ZNF532: variants seen among roughly 807,000 people sequenced by gnomAD.
ZNF532 encodes zinc finger protein 532.
ZNF532 carries 22 observed loss-of-function variants against 89.3 expected under a neutral mutation model. The observed-to-expected ratio is 0.25, with a 90% confidence interval of 0.18 to 0.35. ZNF532 has a LOEUF of 0.35. Among genes scored for constraint, ZNF532 ranks in the 10% least tolerant of loss-of-function variants. ZNF532 has a pLI of 1.00. For synonymous variants in ZNF532, 606 were observed against 649.6 expected, an observed-to-expected ratio of 0.93 and a Z score of 1.02; for missense variants, 1,132 against 1,643.4, an observed-to-expected ratio of 0.69 and a Z score of 5.38.
intron 2 of ZNF532, among the ~76,000 whole-genome samples, chr18:58,875,786 G>A (rs970952468): frequency 2.0e-5 from 3 of 152,096 alleles, no homozygotes; most frequent in Non-Finnish European, 2.9e-5. Flanking sequence ...GGCCAGCTTT[G>A]AAATTCTTTT....
chr18:58,981,615 A>G lies in ZNF532; in HGVS notation c.3409A>G (p.Lys1137Glu), dbSNP rs1258114020. Residue 1137 changes from lysine to glutamate, a missense_variant and splice_region_variant, in exon 9 of 10, where the codon AAG (lysine) becomes GAG (glutamate). By Grantham distance (56) the Lys-to-Glu change is moderately conservative. Coordinates refer to ENST00000591808, the MANE Select transcript of ZNF532 (RefSeq NM_001375912.1). ...GGAAACAGAAATAAAAGAAGACACT[A>G]AGGTCTAACATTGCAGATGTTTGCT... Reference protein sequence around the residue: ...EEETEIKEDTKVPSPKRKLEE... With the variant: ...EEETEIKEDTEVPSPKRKLEE... The G allele has an allele frequency of 1.2e-6, 2 of 1,614,078 alleles. No homozygotes were observed. Among genetic ancestry groups the G allele is most frequent in the Admixed American group, 3.3e-5 (2 of 60,024 alleles).
intron 2 of ZNF532, among the ~76,000 whole-genome samples, chr18:58,909,787 G>A (rs1289866344): frequency 4.6e-5 from 7 of 152,180 alleles, no homozygotes; most frequent in Admixed American, 4.6e-4. Context: ...TTGGACCCAG[G>A]AGGAAGGGCC....
intron 3 of ZNF532, among the ~76,000 whole-genome samples, chr18:58,933,186 T>C (rs2062101338): frequency 6.6e-6 from 1 of 152,100 alleles, no homozygotes; most frequent in Admixed American, 6.6e-5. Context: ...AGGGGTGCTA[T>C]TTTTTTAATG....
chr18:58,938,004 G>A (rs1042110078), intron 4 of ZNF532, among the ~76,000 whole-genome samples: 3 of 152,206 alleles, frequency 2.0e-5, no homozygotes, highest in Admixed American at 6.5e-5. Context: ...ATGCTAATGC[G>A]TTAGTTATGA....
chr18:58,941,085 A>C (rs563285780), intron 5 of ZNF532, among the ~76,000 whole-genome samples: 2 of 151,928 alleles, frequency 1.3e-5, no homozygotes, highest in African/African-American at 2.4e-5. Flanking sequence ...TTGAAGTTAA[A>C]TTTTATTTTA....
At chr18:58,891,283 A>G (rs2145370905) in intron 2 of ZNF532, among the ~76,000 whole-genome samples, 2 of 152,202 alleles carry the variant, frequency 1.3e-5, no homozygotes, top group South Asian at 4.2e-4. Flanking sequence ...TAATCCCAGC[A>G]CTTTCGGAGG....
At chr18:58,911,063 G>A (rs916872049) in intron 2 of ZNF532, among the ~76,000 whole-genome samples, 1 of 152,182 alleles carries the variant, frequency 6.6e-6, no homozygotes, top group African/African-American at 2.4e-5. Flanking sequence ...TTTCAATGGT[G>A]GTTTTGAGAG....
At chr18:58,880,814 A>G (rs1198713185) in intron 2 of ZNF532, among the ~76,000 whole-genome samples, 2 of 127,336 alleles carry the variant, frequency 1.6e-5, no homozygotes, top group Admixed American at 8.0e-5. Context: ...TCAGAGGTAT[A>G]TATCTGGCAA....
chr18:58,867,203 C>G (rs905699823), intron 2 of ZNF532, among the ~76,000 whole-genome samples: 1 of 151,958 alleles, frequency 6.6e-6, no homozygotes, highest in Non-Finnish European at 1.5e-5. Context: ...AACCCCTTGC[C>G]ACGGCTATAC....
intron 8 of ZNF532, chr18:58,980,384 G>A (rs577284490): frequency 6.6e-6 from 1 of 152,226 alleles, no homozygotes; most frequent in East Asian, 1.9e-4. Flanking sequence ...AAAATGCTGG[G>A]ATTGTTCTGC....
chr18:58,865,353 G>A lies in ZNF532; in HGVS notation c.-160G>A, dbSNP rs1456164482. The A allele has an allele frequency of 6.6e-6, 1 of 152,334 alleles. No homozygotes were observed. Among genetic ancestry groups the A allele is most frequent in the East Asian group, 1.9e-4 (1 of 5,190 alleles). 9.4% of individuals were successfully genotyped at this position (152,334 alleles called of 1,614,324 possible). Reference sequence around the variant, plus strand: ...CTTTTAGAAGCTACTAAAGGGTGTTGGGGATGCTTCTGACTATTATGAAGG... The same window carrying A: ...CTTTTAGAAGCTACTAAAGGGTGTTAGGGATGCTTCTGACTATTATGAAGG... On this transcript the variant is annotated 5_prime_UTR_variant, in exon 1 of 10. The change creates a premature stop within an existing upstream ORF in the 5' untranslated region. Transcript: ENST00000591808.
At chr18:58,964,535 TTGTGTGTGTGTGTGTGTGTGTGTGTG>T (rs200298951) in intron 7 of ZNF532, among the ~76,000 whole-genome samples, 3 of 138,554 alleles carry the variant, frequency 2.2e-5, no homozygotes, top group South Asian at 2.4e-4. Context: ...GATATTTTGT[TTGTGTGTGTGTGTGTGTGTGTGTGTG>T]TGTGTGTGTG....
intron 3 of ZNF532, among the ~76,000 whole-genome samples, chr18:58,932,931 T>G (rs540471768): frequency 6.6e-6 from 1 of 152,254 alleles, no homozygotes; most frequent in East Asian, 1.9e-4. Flanking sequence ...TTGACTTCTT[T>G]TAGTATAGAA....
chr18:58,871,324 ATCC>A (rs1568206352), intron 2 of ZNF532, among the ~76,000 whole-genome samples: 1 of 152,106 alleles, frequency 6.6e-6, no homozygotes, highest in Non-Finnish European at 1.5e-5. Flanking sequence ...GGCTCAAGGG[ATCC>A]TCCTGCCTCG....
chr18:58,928,367 A>G (rs1381197654), intron 3 of ZNF532, among the ~76,000 whole-genome samples: 2 of 152,220 alleles, frequency 1.3e-5, no homozygotes, highest in Non-Finnish European at 2.9e-5. Context: ...ATGCAGAAGT[A>G]ACAATTGCCA....
chr18:58,903,281 G>T (rs947250014), intron 2 of ZNF532, among the ~76,000 whole-genome samples: 7 of 152,218 alleles, frequency 4.6e-5, no homozygotes, highest in Non-Finnish European at 8.8e-5. Flanking sequence ...GGCAAACTAA[G>T]AAGGAAAGCT....
At chr18:58,938,358 CTT>C (rs1459771761) in intron 4 of ZNF532, among the ~76,000 whole-genome samples, 1 of 152,102 alleles carries the variant, frequency 6.6e-6, no homozygotes, top group Non-Finnish European at 1.5e-5. Context: ...TGCTTAGAGT[CTT>C]TGTGTGAAAA....
rs80003172 is a variant in ZNF532 at position 58,919,111 on chromosome 18, C to T, written c.824C>T (p.Ala275Val). The change falls in exon 3 of 10, where the codon GCG becomes GTG. Residue 275 changes from alanine (A) to valine (V), a missense_variant. Ala to Val is a moderately conservative substitution (Grantham distance 64, BLOSUM62 0). Coordinates refer to ENST00000591808, the MANE Select transcript of ZNF532 (RefSeq NM_001375912.1). This position sits in a 1 kb window ranked among gnomAD's most constrained non-coding sequence, Gnocchi z 6.1. ...SKLSSCIAAIAALSAKKAASD... is the reference protein window; with the variant it reads ...SKLSSCIAAIVALSAKKAASD... ...CTCTCGTCCTGCATCGCTGCCATCG[C>T]GGCTCTCAGCGCTAAAAAGGCGGCT... 2.1e-5 allele frequency: 34 copies of T among 1,614,176 alleles called. No individual in the cohort carries two copies. The highest frequency in any genetic ancestry group is 2.7e-5 in the Non-Finnish European group (32 of 1,180,048).
chr18:58,925,695 A>G (rs1272201261), intron 3 of ZNF532, among the ~76,000 whole-genome samples: 1 of 152,184 alleles, frequency 6.6e-6, no homozygotes, highest in Non-Finnish European at 1.5e-5. Context: ...TAGATCCTAA[A>G]CATTTTCTTC....
Sources: allele counts gnomAD v4.1 joint callset (sites outside exome capture counted in the v4.1 genomes callset), GRCh38; gene constraint gnomAD v4.1.1; non-coding constraint Gnocchi (gnomAD v3.1); transcripts MANE v1.5; gene names NCBI Gene and HGNC (gene_info 2026-07-23, HGNC 2026-07-21).